The following EGLN1 variants were observed in gnomAD, a reference collection of about 807,000 sequenced individuals.
EGLN1 encodes egl-9 family hypoxia inducible factor 1.
A neutral mutation model predicts 38.3 loss-of-function variants in EGLN1; 17 were observed. The observed-to-expected ratio is 0.44, with a 90% confidence interval of 0.30 to 0.67. The LOEUF is 0.67. EGLN1 is among the 30% of genes least tolerant of loss of function. The probability of loss-of-function intolerance (pLI) is 0.08; values close to 1 mark genes in which losing one functional copy is unlikely to be tolerated. For synonymous variants in EGLN1, 283 were observed against 257.5 expected (o/e 1.10, Z -0.95); for missense variants, 477 against 603.3 (o/e 0.79, Z 2.19).
chr1:231,394,096 G>A (rs565997833), intron 1 of EGLN1, among the ~76,000 whole-genome samples: 1 of 152,136 alleles, frequency 6.6e-6, no homozygotes, highest in East Asian at 1.9e-4. Flanking sequence ...TCATATTCAG[G>A]ATAGATTTTT....
intron 1 of EGLN1, among the ~76,000 whole-genome samples, chr1:231,419,459 A>G (rs1656490043): frequency 6.6e-6 from 1 of 152,184 alleles, no homozygotes; most frequent in African/African-American, 2.4e-5. Context: ...TGTCCCAACT[A>G]TATACTTTGG....
chr1:231,373,761 A>T (rs1687889242), intron 2 of EGLN1, among the ~76,000 whole-genome samples: 1 of 152,134 alleles, frequency 6.6e-6, no homozygotes, highest in Non-Finnish European at 1.5e-5. Context: ...TTTTAAGTGC[A>T]CAACACTACG....
chr1:231,384,363 T>C (rs1194854789), intron 1 of EGLN1, among the ~76,000 whole-genome samples: 3 of 149,438 alleles, frequency 2.0e-5, no homozygotes, highest in African/African-American at 7.4e-5. Flanking sequence ...TAAGTCAATA[T>C]ATAGCATAAT....
intron 2 of EGLN1, among the ~76,000 whole-genome samples, chr1:231,372,150 C>T (rs147746172): frequency 1.3e-5 from 2 of 152,288 alleles, no homozygotes; most frequent in African/African-American, 4.8e-5. Flanking sequence ...ACTCTTCCTC[C>T]TCTGAATTAG....
At chr1:231,370,449 T>C (rs1687792356) in intron 3 of EGLN1, 113 bp downstream of exon 3, 1 of 1,108,102 alleles carries the variant, frequency 9.0e-7, no homozygotes, top group South Asian at 1.3e-5. Flanking sequence ...TTAAAATGAC[T>C]GTGAAAAGTA....
intron 2 of EGLN1, among the ~76,000 whole-genome samples, chr1:231,372,301 T>A (rs1687846729): frequency 6.6e-6 from 1 of 152,226 alleles, no homozygotes; most frequent in Non-Finnish European, 1.5e-5. Flanking sequence ...ATCCCTAGCA[T>A]CCAGAACAAC....
chr1:231,384,176 A>T lies in EGLN1; in HGVS notation c.892-10077T>A, dbSNP rs930310469. On this transcript the variant is annotated intron_variant, in intron 1 of 4. Coordinates refer to ENST00000366641, the MANE Select transcript of EGLN1 (RefSeq NM_022051.3). Reference sequence around the variant, plus strand: ...CTGGCGAGAGAGAAAGAACTCATTTAAAAAAAATTAAACCCTAAAAATATA... The same window carrying T: ...CTGGCGAGAGAGAAAGAACTCATTTTAAAAAAATTAAACCCTAAAAATATA... Among the ~76,000 whole-genome samples the T allele has an allele frequency of 9.9e-5, 15 of 152,018 alleles. No homozygotes were observed. In the South Asian group the frequency reaches 1.2e-3, roughly 13 times the overall value.
chr1:231,387,658 C>T (rs1253727736), intron 1 of EGLN1, among the ~76,000 whole-genome samples: 1 of 152,114 alleles, frequency 6.6e-6, no homozygotes, highest in Admixed American at 6.5e-5. Flanking sequence ...CACACCCGGC[C>T]GCAACTTATT....
intron 3 of EGLN1, among the ~76,000 whole-genome samples, chr1:231,368,325 C>G (rs1487104385): frequency 6.6e-6 from 1 of 152,196 alleles, no homozygotes; most frequent in African/African-American, 2.4e-5. Context: ...ACAGTTTCAA[C>G]AGTCTCTGGG....
intron 1 of EGLN1, among the ~76,000 whole-genome samples, chr1:231,407,244 C>G (rs999371225): frequency 6.6e-6 from 1 of 152,166 alleles, no homozygotes; most frequent in Non-Finnish European, 1.5e-5. Context: ...AACTGCTTCT[C>G]CCACGTTGAT....
At chr1:231,371,298 G>C (rs35058288) in intron 2 of EGLN1, among the ~76,000 whole-genome samples, 3,492 of 152,170 alleles carry the variant, frequency 0.023, 59 homozygotes, top group South Asian at 0.072. Flanking sequence ...GTTTATTTTT[G>C]TATGTTAATG....
chr1:231,399,919 G>C (rs1425010204), intron 1 of EGLN1, among the ~76,000 whole-genome samples: 1 of 152,046 alleles, frequency 6.6e-6, no homozygotes, highest in Non-Finnish European at 1.5e-5. Context: ...CAAAAGTTTA[G>C]TTTTAGAACA....
At position 231,366,284 on chromosome 1, in the gene EGLN1, G is replaced by A; in HGVS notation, c.*127C>T. 1.9e-6 allele frequency: 2 copies of A among 1,027,436 alleles called. No homozygotes were observed. Among genetic ancestry groups the A allele is most frequent in the East Asian group, 2.5e-5 (1 of 40,416 alleles). 63.6% of individuals were successfully genotyped at this position (1,027,436 alleles called of 1,614,324 possible). A position where few individuals can be genotyped will look rare whatever the true frequency, so the allele number is the denominator to read the frequency against. On this transcript the variant is annotated 3_prime_UTR_variant, in exon 5 of 5. Coordinates refer to ENST00000366641, the MANE Select transcript of EGLN1 (RefSeq NM_022051.3). ...TCTGTTTGATGCAACACAAAAAGTT[G>A]TTTCTGTTTCCTTATTAAAATGCGA...
At chr1:231,385,489 A>G (rs372056385) in intron 1 of EGLN1, among the ~76,000 whole-genome samples, 17 of 152,348 alleles carry the variant, frequency 1.1e-4, no homozygotes, top group African/African-American at 2.4e-4. Context: ...ATATTCCAGG[A>G]AGAGAAAAGG....
chr1:231,406,490 T>G (rs1055240704), intron 1 of EGLN1, among the ~76,000 whole-genome samples: 5 of 152,060 alleles, frequency 3.3e-5, no homozygotes, highest in Admixed American at 2.0e-4. Context: ...TTTTGTTCTA[T>G]AGCCAGACTG....
chr1:231,405,347 T>C (rs1209953128), intron 1 of EGLN1, among the ~76,000 whole-genome samples: 1 of 151,942 alleles, frequency 6.6e-6, no homozygotes, highest in Non-Finnish European at 1.5e-5. Flanking sequence ...GCCCGGCTTT[T>C]TTTGTATTTT....
intron 1 of EGLN1, among the ~76,000 whole-genome samples, chr1:231,414,043 A>G (rs1689016568): frequency 6.6e-6 from 1 of 152,212 alleles, no homozygotes. Flanking sequence ...GTAAGAGAAG[A>G]TTTTGGTTAA....
Position 231,367,427 on chromosome 1 carries a change from A to G in EGLN1, c.1216+142T>C. 2 of 886,050 alleles carry G rather than the reference A, an allele frequency of 2.3e-6. 1 individual carries two copies. Among genetic ancestry groups the G allele is most frequent in the South Asian group, 2.9e-5 (2 of 69,794 alleles). The allele number at this position is 886,050 out of a possible 1,614,324, so 54.9% of individuals were successfully genotyped here. A position where few individuals can be genotyped will look rare whatever the true frequency, so the allele number is the denominator to read the frequency against. On this transcript the variant is annotated intron_variant, in intron 4 of 4. Transcript: ENST00000366641. ...AAGATGACTTATGTCTTCTTAAAAA[A>G]TGAGGCAAATAAGAAATCTGATAAA... is the stretch of plus-strand genomic sequence containing the variant.
chr1:231,412,251 T>C (rs1247921803), intron 1 of EGLN1, among the ~76,000 whole-genome samples: 1 of 152,142 alleles, frequency 6.6e-6, no homozygotes, highest in Non-Finnish European at 1.5e-5. Context: ...TATCATATAG[T>C]CATGTGTATC....
Sources: gnomAD v4.1 joint callset for allele counts (sites outside exome capture counted in the v4.1 genomes callset) on GRCh38, gnomAD v4.1.1 for gene constraint, MANE v1.5 for transcripts, NCBI Gene and HGNC (gene_info 2026-07-23, HGNC 2026-07-21) for gene names.